DAB1: variants seen among roughly 807,000 people sequenced by gnomAD.
DAB1 encodes the protein disabled homolog 1.
In DAB1, 15 loss-of-function variants were observed where a neutral mutation model predicts 64.6. That is an observed-to-expected ratio of 0.23 (90% confidence interval 0.16 to 0.36). The LOEUF (loss-of-function observed/expected upper bound fraction) is 0.36, where lower values mean the gene tolerates loss of function less well. DAB1 is among the 10% of genes least tolerant of loss of function. DAB1 has a pLI of 1.00. For synonymous variants in DAB1, 235 were observed against 251.9 expected, an observed-to-expected ratio of 0.93 and a Z score of 0.64; for missense variants, 596 against 706.7, an observed-to-expected ratio of 0.84 and a Z score of 1.78.
At chr1:57,986,558 T>C (rs1212142026) in intron 5 of DAB1, among the ~76,000 whole-genome samples, 1 of 152,204 alleles carries the variant, frequency 6.6e-6, no homozygotes, top group Non-Finnish European at 1.5e-5. Context: ...AAGACACCCA[T>C]TCTGTCTTCT....
rs1252021567 is a variant in DAB1, at chr1:58,378,136, T to C, written n.258-34733A>G. Among the ~76,000 whole-genome samples, 2 of 128,276 alleles carry C rather than the reference T, an allele frequency of 1.6e-5. 1 individual carries two copies. Among genetic ancestry groups the C allele is most frequent in the Non-Finnish European group, 3.4e-5 (2 of 59,116 alleles). The allele number at this position is 128,276 out of a possible 152,430, so 84.2% of individuals were successfully genotyped here. On this transcript the variant is annotated intron_variant and non_coding_transcript_variant, in intron 3 of 20. Coordinates refer to the DAB1 transcript ENST00000485760. ...TGCCTTTGGTTTGAATGTTCTCCCA[T>C]AGCTCAGAGTAATTTGATCGTCTGA...
intron 6 of DAB1, among the ~76,000 whole-genome samples, chr1:57,817,697 G>A (rs1215862981): frequency 2.0e-5 from 3 of 152,142 alleles, no homozygotes; most frequent in Admixed American, 1.3e-4. Flanking sequence ...GCTGCAAAGC[G>A]GCCTATTTCC....
chr1:57,507,204 G>A (rs570060685), intron 7 of DAB1, among the ~76,000 whole-genome samples: 11 of 152,034 alleles, frequency 7.2e-5, no homozygotes, highest in African/African-American at 1.7e-4. Flanking sequence ...CACCTATTAC[G>A]ACCCTACATG....
chr1:57,796,210 G>A (rs959213076), intron 6 of DAB1, among the ~76,000 whole-genome samples: 2 of 151,980 alleles, frequency 1.3e-5, no homozygotes, highest in Non-Finnish European at 2.9e-5. Context: ...CCTTTAGGTG[G>A]TACTCAGTGT....
At chr1:57,476,130 G>T (rs542675625) in intron 7 of DAB1, among the ~76,000 whole-genome samples, 4 of 151,866 alleles carry the variant, frequency 2.6e-5, no homozygotes, top group African/African-American at 9.7e-5. Flanking sequence ...GAAGGCTGAG[G>T]CAGGAGAATC....
chr1:57,641,883 G>A (rs1646134941), intron 7 of DAB1, among the ~76,000 whole-genome samples: 1 of 151,872 alleles, frequency 6.6e-6, no homozygotes, highest in South Asian at 2.1e-4. Flanking sequence ...TCAATTACAG[G>A]CTCCGAGATT....
intron 6 of DAB1, among the ~76,000 whole-genome samples, chr1:57,678,597 A>C (rs538972240): frequency 6.6e-6 from 1 of 152,096 alleles, no homozygotes; most frequent in African/African-American, 2.4e-5. Context: ...TAGACTAGGA[A>C]AAGAGGCCTG....
intron 1 of DAB1, among the ~76,000 whole-genome samples, chr1:57,412,930 T>A (rs1218758408): frequency 6.6e-6 from 1 of 152,262 alleles, no homozygotes; most frequent in African/African-American, 2.4e-5. Flanking sequence ...GAAGGTGTTA[T>A]CTAGGACTTT....
intron 5 of DAB1, among the ~76,000 whole-genome samples, chr1:58,131,917 T>G (rs4357553): frequency 6.7e-6 from 1 of 149,082 alleles, no homozygotes; most frequent in African/African-American, 2.5e-5. Context: ...TTTTGTTTGT[T>G]TGTGCCCTGC....
chr1:57,893,314 C>T (rs1644345530), intron 5 of DAB1, among the ~76,000 whole-genome samples: 1 of 152,122 alleles, frequency 6.6e-6, no homozygotes, highest in South Asian at 2.1e-4. Context: ...CAGAGGCTGG[C>T]TTTATTTTCT....
At chr1:57,518,883 G>A (rs1164888546) in intron 7 of DAB1, among the ~76,000 whole-genome samples, 3 of 152,218 alleles carry the variant, frequency 2.0e-5, no homozygotes, top group Middle Eastern at 3.4e-3. Flanking sequence ...TGGTTATGTG[G>A]CATCATCAGT....
intron 7 of DAB1, among the ~76,000 whole-genome samples, chr1:57,478,054 C>T (rs1643961529): frequency 7.0e-6 from 1 of 143,012 alleles, no homozygotes; most frequent in Non-Finnish European, 1.5e-5. Context: ...CCTCCCCCCG[C>T]CCCCGACCCC....
At chr1:57,610,086 C>T (rs937675081) in intron 7 of DAB1, among the ~76,000 whole-genome samples, 4 of 152,164 alleles carry the variant, frequency 2.6e-5, no homozygotes, top group Admixed American at 6.5e-5. Flanking sequence ...TCTTTCCACT[C>T]ATTGAACTGT....
chr1:57,248,107 T>C (rs571465254), intron 2 of DAB1, among the ~76,000 whole-genome samples: 1 of 152,324 alleles, frequency 6.6e-6, no homozygotes. Context: ...AGTATTTGCA[T>C]CTAACCTGTG....
chr1:57,107,567 T>G (rs1486891016), intron 4 of DAB1, among the ~76,000 whole-genome samples: 1 of 151,852 alleles, frequency 6.6e-6, no homozygotes, highest in Non-Finnish European at 1.5e-5. Context: ...CGTGCCGTCC[T>G]GCAGGAACAA....
At chr1:58,457,212 CT>C (rs1195580178) in intron 3 of DAB1, among the ~76,000 whole-genome samples, 1 of 152,196 alleles carries the variant, frequency 6.6e-6, no homozygotes, top group East Asian at 1.9e-4. Flanking sequence ...CCTGCCTCTC[CT>C]GGCCCTCAGC....
chr1:58,117,286 T>C (rs1199943526), intron 5 of DAB1, among the ~76,000 whole-genome samples: 1 of 152,226 alleles, frequency 6.6e-6, no homozygotes, highest in Admixed American at 6.5e-5. Flanking sequence ...ATTAACAGTG[T>C]CTTACTCTAG....
Position 57,698,290 on chromosome 1 carries a change from G to A in DAB1, n.552-48625C>T, listed in dbSNP as rs181095368. On this transcript the variant is annotated intron_variant and non_coding_transcript_variant, in intron 6 of 20. Transcript: ENST00000485760. The stretch of plus-strand genomic sequence containing the variant: ...TTTTTTTTTTTTTGTAGAGATGGGG[G>A]TCTCACTATGTTACCCAGGCTGGCC... Among the ~76,000 whole-genome samples the A allele has an allele frequency of 5.8e-3, 871 of 151,088 alleles. 11 individuals are homozygous for A. Among genetic ancestry groups the A allele is most frequent in the African/African-American group, 0.02 (832 of 41,106 alleles).
intron 4 of DAB1, among the ~76,000 whole-genome samples, chr1:58,194,834 T>C (rs1657585344): frequency 6.6e-6 from 1 of 152,194 alleles, no homozygotes. Context: ...CTGAATAGTA[T>C]CAGAAGATAA....
Sources: allele counts gnomAD v4.1 joint callset (sites outside exome capture counted in the v4.1 genomes callset), GRCh38; gene constraint gnomAD v4.1.1; transcripts MANE v1.5; gene names NCBI Gene and HGNC (gene_info 2026-07-23, HGNC 2026-07-21).